BCAR1: variants seen among roughly 807,000 people sequenced by gnomAD.
BCAR1 encodes breast cancer anti-estrogen resistance protein 1.
BCAR1 carries 30 observed loss-of-function variants against 67.6 expected under a neutral mutation model. That is an observed-to-expected ratio of 0.44 (90% CI 0.33 to 0.60). The LOEUF (loss-of-function observed/expected upper bound fraction) is 0.60, where lower values mean the gene tolerates loss of function less well. BCAR1 is among the 20% of genes least tolerant of loss of function. The pLI is 0.02. For synonymous variants in BCAR1, 626 were observed against 556.7 expected, an observed-to-expected ratio of 1.12 and a Z score of -1.75; for missense variants, 1,313 against 1,222.3, an observed-to-expected ratio of 1.07 and a Z score of -1.11.
chr16:75,256,728 C>T (rs1458443064), intron 1 of BCAR1, among the ~76,000 whole-genome samples: 1 of 152,036 alleles, frequency 6.6e-6, no homozygotes, highest in African/African-American at 2.4e-5. Flanking sequence ...CCGGTGTGAG[C>T]CAGCAAGGCA....
intron 1 of BCAR1, among the ~76,000 whole-genome samples, chr16:75,245,611 C>T (rs2077489611): frequency 1.3e-5 from 2 of 152,238 alleles, no homozygotes; most frequent in South Asian, 2.1e-4. Flanking sequence ...ACTGATCGGC[C>T]ACAGCCCAGT....
intron 2 of BCAR1, chr16:75,238,268 T>G: frequency 8.6e-7 from 1 of 1,161,890 alleles, no homozygotes; most frequent in Non-Finnish European, 1.1e-6. Flanking sequence ...AAGGCCTCCC[T>G]GGTGGGATTC....
At chr16:75,240,318 AGCACCTGGAGGTT>A (rs1567603166) in intron 2 of BCAR1, among the ~76,000 whole-genome samples, 1 of 152,106 alleles carries the variant, frequency 6.6e-6, no homozygotes, top group Non-Finnish European at 1.5e-5. Flanking sequence ...CTTGGAGGGG[AGCACCTGGAGGTT>A]CAGACACAGA....
At chr16:75,233,793 G>T in intron 6 of BCAR1, 53 bp downstream of exon 6, 3 of 1,529,772 alleles carry the variant, frequency 2.0e-6, no homozygotes, top group Non-Finnish European at 2.7e-6. Flanking sequence ...AAGAGCTGGG[G>T]GCTCAGGGGG....
intron 1 of BCAR1, among the ~76,000 whole-genome samples, chr16:75,260,646 A>C (rs1180181685): frequency 2.0e-5 from 3 of 152,168 alleles, no homozygotes; most frequent in Non-Finnish European, 2.9e-5. Context: ...AAAAAAAAAA[A>C]AAAACCTCAT....
chr16:75,237,214 C>A lies in BCAR1; in HGVS notation c.764G>T (p.Arg255Leu). The change falls in exon 3 of 7, where the codon CGG becomes CTG. Residue 255 changes from arginine to leucine, a missense_variant. Physicochemically the swap from Arg to Leu is moderately radical, Grantham distance 102. Transcript: ENST00000162330. Reference protein sequence around the residue: ...PQDIYDVPPVRGLLPSQYGQE... With the variant: ...PQDIYDVPPVLGLLPSQYGQE... ...GCCATACTGGCTGGGAAGCAGCCCC[C>A]GAACCGGGGGCACATCATAGATGTC... 1 of 1,568,052 alleles carries A rather than the reference C, an allele frequency of 6.4e-7. No homozygotes were observed. Among genetic ancestry groups the A allele is most frequent in the African/African-American group, 1.4e-5 (1 of 73,412 alleles).
In BCAR1 at chr16:75,229,929, C is replaced by T. The variant is rs762714764; in HGVS notation, c.2195G>A (p.Arg732Gln). ...GTCCGAGGGCCCCAGGCCGCCTGTT[C>T]GCCCCGGGGCCAGGGGTTGGGCTGG... ...WTPAQPLAPG[R>Q]TGGLGPSDRQ... is the part of the protein sequence containing the mutation. The change falls in exon 7 of 7, where the codon CGA becomes CAA. Residue 732 changes from arginine (R) to glutamine (Q), a missense_variant. Coordinates refer to ENST00000162330, the MANE Select transcript of BCAR1 (RefSeq NM_014567.5). 32 of 1,605,586 alleles carry T rather than the reference C, an allele frequency of 2.0e-5. No individual in the cohort carries two copies. The highest frequency in any genetic ancestry group is 5.5e-5 in the South Asian group (5 of 90,814).
At chr16:75,260,329 G>A (rs1390908312) in intron 1 of BCAR1, among the ~76,000 whole-genome samples, 1 of 152,004 alleles carries the variant, frequency 6.6e-6, no homozygotes, top group Non-Finnish European at 1.5e-5. Context: ...GCTACATGAA[G>A]GTCTGTATTA....
chr16:75,236,050 C>A lies in BCAR1; in HGVS notation c.913-64G>T, dbSNP rs567805139. On this transcript the variant is annotated intron_variant, in intron 4 of 6. Transcript: ENST00000162330. ...ATCTGCCCACCCCAGGGACTGGGGGCAGCACCCAGCCACACACACACACAC... is the reference window on the plus strand; with the variant it reads ...ATCTGCCCACCCCAGGGACTGGGGGAAGCACCCAGCCACACACACACACAC... The A allele has an allele frequency of 4.0e-6, 6 of 1,500,060 alleles. No homozygotes were observed. The African/African-American group carries it at 4.2e-5, about 11-fold the overall frequency. The allele number at this position is 1,500,060 out of a possible 1,614,324, so 92.9% of individuals were successfully genotyped here. A position where few individuals can be genotyped will look rare whatever the true frequency, so the allele number is the denominator to read the frequency against.
intron 1 of BCAR1, chr16:75,247,899 T>TG (rs1302124643): frequency 2.9e-6 from 2 of 699,888 alleles, no homozygotes; most frequent in African/African-American, 1.8e-5. Context: ...ACCCCAGGGT[T>TG]GGGGGCAGAC....
chr16:75,267,224 C>T lies in BCAR1; in HGVS notation c.66+691G>A, dbSNP rs531695463. Among the ~76,000 whole-genome samples the T allele has an allele frequency of 1.4e-4, 22 of 152,336 alleles. 1 individual carries two copies. Among genetic ancestry groups the T allele is most frequent in the African/African-American group, 5.1e-4 (21 of 41,572 alleles). On this transcript the variant is annotated intron_variant, in intron 1 of 6. Coordinates refer to the BCAR1 transcript ENST00000393422. ...GAAAGAGGGAAATCCAGGCCTCCCA[C>T]GAGAGACCCAAGTCCCTGTTCTGGC...
At chr16:75,252,798 C>T (rs2077706941), upstream of BCAR1, among the ~76,000 whole-genome samples, 1 of 152,250 alleles carries the variant, frequency 6.6e-6, no homozygotes, top group Admixed American at 6.5e-5. Context: ...TCAGCCTACG[C>T]AGCGCCTGGC....
intron 1 of BCAR1, chr16:75,248,186 C>G: frequency 6.4e-7 from 1 of 1,570,004 alleles, no homozygotes; most frequent in Non-Finnish European, 8.6e-7. Context: ...TTATCTCCAC[C>G]GAGGGGTGAC....
chr16:75,231,017 C>G (rs1456454374), intron 6 of BCAR1, among the ~76,000 whole-genome samples: 1 of 149,436 alleles, frequency 6.7e-6, no homozygotes, highest in East Asian at 1.9e-4. Flanking sequence ...GCACAGGCAA[C>G]AAGCTTTGTG....
intron 1 of BCAR1, among the ~76,000 whole-genome samples, chr16:75,267,629 C>T (rs1310942618): frequency 1.3e-5 from 2 of 152,078 alleles, no homozygotes; most frequent in Admixed American, 6.5e-5. Flanking sequence ...TCGCCCAGAC[C>T]CCACCTCCCT....
At position 75,237,219 on chromosome 16, in the gene BCAR1, C is replaced by A. The variant is rs764823956; in HGVS notation, c.759G>T (p.Pro253=). ...PGPQDIYDVP[P]VRGLLPSQYG... ...ACTGGCTGGGAAGCAGCCCCCGAAC[C>A]GGGGGCACATCATAGATGTCCTGTG... The change falls in exon 3 of 7, where the codon CCG becomes CCT. Residue 253 remains proline, a synonymous_variant. Transcript: ENST00000162330. The A allele has an allele frequency of 1.7e-5, 26 of 1,567,232 alleles. No homozygotes were observed. Among genetic ancestry groups the A allele is most frequent in the Non-Finnish European group, 2.2e-5 (26 of 1,158,792 alleles).
At chr16:75,256,889 C>G (rs2077789056) in intron 1 of BCAR1, among the ~76,000 whole-genome samples, 1 of 152,216 alleles carries the variant, frequency 6.6e-6, no homozygotes, top group Non-Finnish European at 1.5e-5. Flanking sequence ...ACAGGTCCTC[C>G]TGGACCAGCG....
Position 75,264,377 on chromosome 16 carries a change from C to T in BCAR1, c.66+3538G>A, listed in dbSNP as rs543250090. On this transcript the variant is annotated intron_variant, in intron 1 of 6. Coordinates refer to the BCAR1 transcript ENST00000393422. ...GGCCCTCCAGCAGGCTCAGGTGGTC[C>T]GCCTTGTCCCTCTGCCCAGTGCCCA... is the stretch of plus-strand genomic sequence containing the variant. 89 of 1,530,838 alleles carry T rather than the reference C, an allele frequency of 5.8e-5. 1 individual carries two copies. Among genetic ancestry groups the T allele is most frequent in the Admixed American group, 5.3e-4 (27 of 50,486 alleles). 94.8% of individuals were successfully genotyped at this position (1,530,838 alleles called of 1,614,324 possible).
rs773566720 is a variant in BCAR1, at chr16:75,242,866, G to C, written c.237C>G (p.Pro79=). ...KKPAGPGPGP[P]ATPAQPQPGL... ...CAGGCTGAGGCTGGGCCGGGGTGGC[G>C]GGAGGGCCGGGGCCAGGCCCTGCTG... is the stretch of plus-strand genomic sequence containing the variant. Residue 79 remains proline (P), a synonymous_variant, in exon 2 of 7, where the codon CCC becomes CCG. Transcript: ENST00000162330. 1 of 1,609,600 alleles carries C rather than the reference G, an allele frequency of 6.2e-7. No homozygotes were observed.
Sources: gnomAD v4.1 joint callset for allele counts (sites outside exome capture counted in the v4.1 genomes callset) on GRCh38, gnomAD v4.1.1 for gene constraint, MANE v1.5 for transcripts, NCBI Gene and HGNC (gene_info 2026-07-23, HGNC 2026-07-21) for gene names.